Variants in MGA observed in about 807,000 individuals in gnomAD.
MGA encodes the protein MAX dimerization protein MGA.
MGA carries 40 observed loss-of-function variants against 261.1 expected under a neutral mutation model. The observed-to-expected ratio is 0.15, with a 90% confidence interval of 0.12 to 0.20. The LOEUF (loss-of-function observed/expected upper bound fraction) is 0.20, where lower values mean the gene tolerates loss of function less well. Among genes scored for constraint, MGA ranks in the 10% least tolerant of loss-of-function variants. The pLI is 1.00. For synonymous variants in MGA, 1,302 were observed against 1,290.6 expected (o/e 1.01, Z -0.19); for missense variants, 3,397 against 3,630.5 (o/e 0.94, Z 1.65).
chr15:41,696,709 G>T lies in MGA; in HGVS notation c.1699G>T (p.Asp567Tyr). The T allele has an allele frequency of 6.2e-7, 1 of 1,612,586 alleles. No homozygotes were observed. The highest frequency in any genetic ancestry group is 8.5e-7 in the Non-Finnish European group (1 of 1,179,286). ...CAGCATTAGCACAGAAAGAATACTCGACGATTCAAAGGATTCAGTTGGAGA... is the reference window on the plus strand; with the variant it reads ...CAGCATTAGCACAGAAAGAATACTCTACGATTCAAAGGATTCAGTTGGAGA... Residue 567 changes from aspartate to tyrosine, a missense_variant, in exon 3 of 24, where the codon GAC (aspartate) becomes TAC (tyrosine). Asp to Tyr is a radical substitution (Grantham distance 160). This residue lies in a region of MGA where 563 missense variants were observed against 563.6 expected (regional missense o/e 1.00). Coordinates refer to ENST00000219905, the MANE Select transcript of MGA (RefSeq NM_001164273.2).
intron 1 of MGA, among the ~76,000 whole-genome samples, chr15:41,642,417 C>T (rs2056840663): frequency 6.7e-6 from 1 of 149,972 alleles, no homozygotes; most frequent in Non-Finnish European, 1.5e-5. Context: ...TCAAGCTTTT[C>T]TCCTGCCTCA....
intron 15 of MGA, among the ~76,000 whole-genome samples, chr15:41,743,725 C>T (rs935100080): frequency 2.0e-5 from 3 of 152,134 alleles, no homozygotes; most frequent in Non-Finnish European, 4.4e-5. Context: ...ACTTCATCTC[C>T]TTTTGTGTAG....
At chr15:41,760,618 A>G (rs2063398461) in intron 20 of MGA, 89 bp downstream of exon 20, 4 of 1,276,368 alleles carry the variant, frequency 3.1e-6, no homozygotes, top group Middle Eastern at 2.1e-4. Flanking sequence ...CATATAAGGG[A>G]GATTGAAATA....
Position 41,760,593 on chromosome 15 carries a change from A to C in MGA, c.7398+64A>C, listed in dbSNP as rs536199960. 5.7e-5 allele frequency: 86 copies of C among 1,514,174 alleles called. No individual in the cohort carries two copies. The East Asian group carries it at 1.9e-3, about 34-fold the overall frequency. 93.8% of individuals were successfully genotyped at this position (1,514,174 alleles called of 1,614,324 possible). ...AGAGATTCTTACCGATGATATGAGA[A>C]AGATAATCCACTGACATATAAGGGA... On this transcript the variant is annotated intron_variant, in intron 20 of 23. Transcript: ENST00000219905.
intron 18 of MGA, among the ~76,000 whole-genome samples, chr15:41,755,259 A>T (rs1345606147): frequency 6.6e-6 from 1 of 152,248 alleles, no homozygotes; most frequent in Non-Finnish European, 1.5e-5. Context: ...CTACGATGAT[A>T]TGAAAGTAGC....
chr15:41,694,027 A>T (rs1192749226), intron 2 of MGA, among the ~76,000 whole-genome samples: 4 of 152,214 alleles, frequency 2.6e-5, no homozygotes, highest in Admixed American at 1.3e-4. Context: ...GGGGGAAAAA[A>T]CTGTTTAGTG....
intron 17 of MGA, among the ~76,000 whole-genome samples, chr15:41,753,094 G>A (rs2062944692): frequency 6.6e-6 from 1 of 152,194 alleles, no homozygotes; most frequent in Non-Finnish European, 1.5e-5. Flanking sequence ...CCTTGTGGAA[G>A]TTATTGGAAT....
At chr15:41,687,539 A>G (rs1320329756) in intron 2 of MGA, among the ~76,000 whole-genome samples, 1 of 152,136 alleles carries the variant, frequency 6.6e-6, no homozygotes, top group Non-Finnish European at 1.5e-5. Context: ...CCTGTCTTAG[A>G]TAATTGATTT....
intron 1 of MGA, among the ~76,000 whole-genome samples, chr15:41,637,283 A>G (rs2056730234): frequency 6.6e-6 from 1 of 152,202 alleles, no homozygotes; most frequent in Non-Finnish European, 1.5e-5. Flanking sequence ...GGTTCGTATC[A>G]TATTGCCTTT....
intron 15 of MGA, among the ~76,000 whole-genome samples, chr15:41,746,476 C>T (rs1310282532): frequency 1.5e-5 from 2 of 133,572 alleles, no homozygotes; most frequent in African/African-American, 2.9e-5. Flanking sequence ...ACCCGGGAGG[C>T]GGAGGTTTCA....
chr15:41,668,521 T>C (rs1246311893), intron 1 of MGA, among the ~76,000 whole-genome samples: 1 of 152,092 alleles, frequency 6.6e-6, no homozygotes, highest in African/African-American at 2.4e-5. Context: ...TTTTGTATAC[T>C]TTTTTAATAA....
At chr15:41,754,862 C>T (rs2063054223) in intron 18 of MGA, among the ~76,000 whole-genome samples, 1 of 152,170 alleles carries the variant, frequency 6.6e-6, no homozygotes, top group Non-Finnish European at 1.5e-5. Flanking sequence ...AATCTTTAAT[C>T]TCTCTGAACC....
At chr15:41,705,713 A>C (rs2060071913) in intron 5 of MGA, among the ~76,000 whole-genome samples, 1 of 152,228 alleles carries the variant, frequency 6.6e-6, no homozygotes, top group Non-Finnish European at 1.5e-5. Context: ...GAGAAAGTGC[A>C]GTAGATTCTC....
intron 9 of MGA, 110 bp downstream of exon 9, chr15:41,713,606 T>A: frequency 7.8e-7 from 1 of 1,280,718 alleles, no homozygotes; most frequent in Non-Finnish European, 1.0e-6. Flanking sequence ...CAATAAGAGC[T>A]TTGAGACTTC....
upstream of MGA, among the ~76,000 whole-genome samples, chr15:41,656,337 TC>T (rs1204713691): frequency 2.5e-4 from 25 of 100,904 alleles, no homozygotes; most frequent in African/African-American, 3.5e-4. Context: ...TCTCTCCCTC[TC>T]CTCTCTTCTC....
intron 2 of MGA, among the ~76,000 whole-genome samples, chr15:41,671,437 C>T (rs2058055314): frequency 6.6e-6 from 1 of 152,070 alleles, no homozygotes; most frequent in Admixed American, 6.6e-5. Flanking sequence ...GATTCTCCTG[C>T]CTCAGCCTCC....
chr15:41,744,690 G>T (rs114233126), intron 15 of MGA, among the ~76,000 whole-genome samples: 2,003 of 152,194 alleles, frequency 0.013, 50 homozygotes, highest in African/African-American at 0.046. Context: ...ATTCCAGCCT[G>T]TTTCTGTACT....
intron 1 of MGA, among the ~76,000 whole-genome samples, chr15:41,647,441 T>C (rs544445679): frequency 6.6e-6 from 1 of 151,684 alleles, no homozygotes; most frequent in South Asian, 2.1e-4. Context: ...ACTCCACTTA[T>C]GAAACTGTGT....
intron 16 of MGA, 69 bp downstream of exon 16, chr15:41,748,996 AAG>A (rs2062676427): frequency 1.9e-6 from 3 of 1,555,520 alleles, no homozygotes; most frequent in Non-Finnish European, 2.6e-6. Context: ...TTAATACACC[AAG>A]ATTGTTTTTC....
Sources: allele counts gnomAD v4.1 joint callset (sites outside exome capture counted in the v4.1 genomes callset), GRCh38; gene constraint gnomAD v4.1.1; regional missense constraint gnomAD v4.1.1; transcripts MANE v1.5; gene names NCBI Gene and HGNC (gene_info 2026-07-23, HGNC 2026-07-21).